MED17: variants seen among roughly 807,000 people sequenced by gnomAD.
MED17 encodes mediator of RNA polymerase II transcription subunit 17.
A neutral mutation model predicts 80.8 loss-of-function variants in MED17; 49 were observed. That is an observed-to-expected ratio of 0.61 (90% CI 0.48 to 0.77). The LOEUF is 0.77. MED17 is among the 30% of genes least tolerant of loss of function. MED17 has a pLI of 0.00. For synonymous variants in MED17, 281 were observed against 280.4 expected (o/e 1.00, Z -0.02); for missense variants, 718 against 787.0 (o/e 0.91, Z 1.05).
chr11:93,798,444 T>C (rs893024652), intron 8 of MED17, among the ~76,000 whole-genome samples: 2 of 152,250 alleles, frequency 1.3e-5, no homozygotes, highest in South Asian at 2.1e-4. Flanking sequence ...GGCATGGGCA[T>C]TGTCATTAAA....
intron 1 of MED17, 86 bp downstream of exon 1, chr11:93,784,849 C>A (rs755935350): frequency 5.7e-5 from 85 of 1,501,892 alleles, no homozygotes; most frequent in Non-Finnish European, 7.3e-5. Flanking sequence ...TGGGGGTGAT[C>A]TTGTGCGTGC....
intron 11 of MED17, chr11:93,810,367 A>G (rs762534554): frequency 6.5e-6 from 1 of 154,638 alleles, no homozygotes; most frequent in African/African-American, 2.4e-5. Flanking sequence ...TATTTTATCT[A>G]TTTATTTATT....
chr11:93,810,159 G>A, intron 11 of MED17: 1 of 398,898 alleles, frequency 2.5e-6, no homozygotes, highest in Non-Finnish European at 4.7e-6. Context: ...AAGTTTAATG[G>A]ATAAAAACTT....
chr11:93,790,269 C>T, intron 2 of MED17: 1 of 486,882 alleles, frequency 2.1e-6, no homozygotes, highest in Admixed American at 2.5e-5. Context: ...GGATAGGGGG[C>T]TGGCAATATA....
chr11:93,801,043 G>A (rs764492918), intron 8 of MED17: 1 of 152,156 alleles, frequency 6.6e-6, no homozygotes, highest in African/African-American at 2.4e-5. Flanking sequence ...GTTGATTAGT[G>A]TGTATAAGAT....
At chr11:93,791,782 T>C (rs1162038035) in intron 3 of MED17, among the ~76,000 whole-genome samples, 1 of 152,044 alleles carries the variant, frequency 6.6e-6, no homozygotes, top group Non-Finnish European at 1.5e-5. Context: ...ACAAAAAAAC[T>C]CGACATGAAA....
rs1565295901 is a variant in MED17 at position 93,812,075 on chromosome 11, A to G, written c.*11A>G. 8 of 1,611,960 alleles carry G rather than the reference A, an allele frequency of 5.0e-6. No individual in the cohort carries two copies. The highest frequency in any genetic ancestry group is 6.8e-6 in the Non-Finnish European group (8 of 1,178,092). On this transcript the variant is annotated 3_prime_UTR_variant, in exon 12 of 12. Coordinates refer to ENST00000251871, the MANE Select transcript of MED17 (RefSeq NM_004268.5). The stretch of plus-strand genomic sequence containing the variant: ...CCTTGTCTACTATGATTTTTTCCAG[A>G]TGTTTCCTAAAGAAGTTTCCAGAAA...
intron 9 of MED17, chr11:93,806,916 A>G (rs1290253419): frequency 1.3e-5 from 2 of 152,510 alleles, no homozygotes; most frequent in African/African-American, 2.4e-5. Context: ...CATATACCCA[A>G]TTGGATCTCA....
chr11:93,787,701 CTG>C, intron 1 of MED17, among the ~76,000 whole-genome samples: 1 of 152,094 alleles, frequency 6.6e-6, no homozygotes, highest in East Asian at 1.9e-4. Context: ...GTTCTAAACA[CTG>C]TAAGAAGATT....
chr11:93,788,313 C>A, intron 2 of MED17, 146 bp downstream of exon 2: 1 of 660,284 alleles, frequency 1.5e-6, no homozygotes, highest in Non-Finnish European at 2.6e-6. Flanking sequence ...TAAAACAAAG[C>A]CATACAACTG....
intron 1 of MED17, among the ~76,000 whole-genome samples, chr11:93,787,402 G>A (rs929923815): frequency 1.3e-5 from 2 of 151,552 alleles, no homozygotes; most frequent in Non-Finnish European, 1.5e-5. Context: ...GACAGAGCAA[G>A]ACTTTGTCTC....
Position 93,801,886 on chromosome 11 carries a change from A to C in MED17, c.1380A>C (p.Ile460=). 6.2e-7 allele frequency: 1 copy of C among 1,613,516 alleles called. No homozygotes were observed. Among genetic ancestry groups the C allele is most frequent in the East Asian group, 2.2e-5 (1 of 44,854 alleles). Residue 460 remains isoleucine (I), a synonymous_variant, in exon 9 of 12, where the codon ATA becomes ATC. Coordinates refer to ENST00000251871, the MANE Select transcript of MED17 (RefSeq NM_004268.5). The part of the protein sequence containing the change: ...SLASRIEDPQ[I]QAHWSNINDV... ...CAAGCCGAATTGAGGATCCTCAGAT[A>C]CAGGCTCATTGGTCAAATATCAATG...
At chr11:93,803,183 C>A (rs985747419) in intron 9 of MED17, among the ~76,000 whole-genome samples, 7 of 151,962 alleles carry the variant, frequency 4.6e-5, no homozygotes, top group African/African-American at 1.7e-4. Flanking sequence ...CACAGTAAAG[C>A]AAAGCATACT....
chr11:93,787,879 A>G (rs974105314), intron 1 of MED17, 122 bp from the exon 2 acceptor site: 1 of 873,538 alleles, frequency 1.1e-6, no homozygotes. Flanking sequence ...CATAAATAAG[A>G]GAACAATTTG....
chr11:93,796,818 C>T, intron 7 of MED17: 2 of 409,510 alleles, frequency 4.9e-6, no homozygotes, highest in South Asian at 4.3e-5. Flanking sequence ...GTGATTCTGA[C>T]CGGGGGAGTT....
intron 3 of MED17, among the ~76,000 whole-genome samples, chr11:93,792,283 G>A (rs1319873361): frequency 6.6e-6 from 1 of 152,194 alleles, no homozygotes; most frequent in Non-Finnish European, 1.5e-5. Flanking sequence ...GGACTGACAT[G>A]CTTCAGCATT....
intron 8 of MED17, among the ~76,000 whole-genome samples, chr11:93,798,264 C>CT (rs539642834): frequency 7.4e-4 from 112 of 152,082 alleles, no homozygotes; most frequent in Non-Finnish European, 1.2e-3. Flanking sequence ...CGCCAAAGCT[C>CT]TTTTTTTTCC....
At position 93,813,683 on chromosome 11, in the gene MED17, G is replaced by T. The variant is rs1944107738; in HGVS notation, c.*1619G>T. On this transcript the variant is annotated 3_prime_UTR_variant, in exon 12 of 12. Transcript: ENST00000251871. The stretch of plus-strand genomic sequence containing the variant: ...AATTTTGAAAAGATACAAAATAAAA[G>T]CCCCATTTATTTGATTATAACTTGA... 6.6e-6 allele frequency: 1 copy of T among 152,092 alleles called. No homozygotes were observed. The highest frequency in any genetic ancestry group is 1.5e-5 in the Non-Finnish European group (1 of 68,018). The allele number at this position is 152,092 out of a possible 1,614,324, so 9.4% of individuals were successfully genotyped here.
intron 11 of MED17, chr11:93,810,955 A>G (rs1390335751): frequency 1.3e-5 from 2 of 152,280 alleles, no homozygotes. Context: ...AGCCTACTAC[A>G]TGCACATCTA....
Sources: gnomAD v4.1 joint callset for allele counts (sites outside exome capture counted in the v4.1 genomes callset) on GRCh38, gnomAD v4.1.1 for gene constraint, MANE v1.5 for transcripts, NCBI Gene and HGNC (gene_info 2026-07-23, HGNC 2026-07-21) for gene names.